The following ADGB variants were observed in gnomAD, a reference collection of about 807,000 sequenced individuals.
ADGB encodes the protein calpain-7-like protein.
Under a neutral mutation model 210.5 loss-of-function variants are expected in ADGB, and 172 were observed. The ratio of observed to expected loss-of-function variants is 0.82; its 90% confidence interval spans 0.72 to 0.93. The LOEUF (loss-of-function observed/expected upper bound fraction) is 0.93, where lower values mean the gene tolerates loss of function less well. Ranked by LOEUF, ADGB falls within the 40% of genes least tolerant of loss-of-function variation. The pLI is 0.00. For missense variants in ADGB, 2,025 were observed against 1,964.8 expected, an observed-to-expected ratio of 1.03 and a Z score of -0.58; for synonymous variants, 658 against 662.7, an observed-to-expected ratio of 0.99 and a Z score of 0.11.
intron 35 of ADGB, among the ~76,000 whole-genome samples, chr6:146,811,721 G>A (rs889260512): frequency 1.3e-5 from 2 of 152,050 alleles, no homozygotes; most frequent in African/African-American, 4.8e-5. Flanking sequence ...TCCCAGGCTG[G>A]AGTGCAATGG....
At chr6:146,650,487 A>C (rs565946507) in intron 3 of ADGB, among the ~76,000 whole-genome samples, 1 of 151,224 alleles carries the variant, frequency 6.6e-6, no homozygotes, top group South Asian at 2.1e-4. Flanking sequence ...ACAAGCCACA[A>C]TATGTAACCA....
chr6:146,634,882 T>A (rs1277264982), intron 1 of ADGB, among the ~76,000 whole-genome samples: 1 of 151,980 alleles, frequency 6.6e-6, no homozygotes, highest in Non-Finnish European at 1.5e-5. Context: ...TACAAGACGA[T>A]CTTATACAAT....
chr6:146,664,531 C>A (rs542901319), intron 6 of ADGB, 191 bp downstream of exon 6: 1 of 483,822 alleles, frequency 2.1e-6, no homozygotes, highest in African/African-American at 2.0e-5. Context: ...AACAATAATG[C>A]AAAATTCCTC....
chr6:146,692,892 T>C lies in ADGB; in HGVS notation c.1554T>C (p.Thr518=). The part of the protein sequence containing the change: ...ISSPFLNYRM[T]PFTIPTEMHF... ...GTCCATTTTTGAATTATAGAATGACTCCATTTACAATTCCAACAGAAATGT... is the reference window on the plus strand; with the variant it reads ...GTCCATTTTTGAATTATAGAATGACCCCATTTACAATTCCAACAGAAATGT... Residue 518 remains threonine (T), a synonymous_variant, in exon 12 of 36, where the codon ACT becomes ACC. Transcript: ENST00000397944. 6.5e-7 allele frequency: 1 copy of C among 1,529,622 alleles called. No homozygotes were observed. Among genetic ancestry groups the C allele is most frequent in the Non-Finnish European group, 8.8e-7 (1 of 1,130,364 alleles). The allele number at this position is 1,529,622 out of a possible 1,614,324, so 94.8% of individuals were successfully genotyped here. A position where few individuals can be genotyped will look rare whatever the true frequency, so the allele number is the denominator to read the frequency against.
Position 146,788,501 on chromosome 6 carries a change from A to G in ADGB, c.4428A>G (p.Gln1476=), listed in dbSNP as rs757532228. The change falls in exon 33 of 36, where the codon CAA becomes CAG. Residue 1476 remains glutamine, a synonymous_variant. Transcript: ENST00000397944. The part of the protein sequence containing the change: ...GSGSAVWKKW[Q]LTKGLRDVAK... ...GGAGTGCGGTGTGGAAGAAGTGGCA[A>G]TTGACCAAAGGCTTGAGGGATGTGG... is the stretch of plus-strand genomic sequence containing the variant. 4.5e-6 allele frequency: 7 copies of G among 1,551,628 alleles called. No individual in the cohort carries two copies.
At chr6:146,799,495 C>T (rs1263775175) in intron 33 of ADGB, among the ~76,000 whole-genome samples, 9 of 141,440 alleles carry the variant, frequency 6.4e-5, no homozygotes, top group Non-Finnish European at 3.0e-5. Flanking sequence ...GATCGCGCCA[C>T]TGCACTCCAG....
chr6:146,691,422 A>AATT (rs1776307651), intron 11 of ADGB, 132 bp downstream of exon 11: 1 of 56,328 alleles, frequency 1.8e-5, no homozygotes, highest in Admixed American at 2.6e-4. Flanking sequence ...ATATATATAT[A>AATT]TATATATATA....
At chr6:146,735,668 T>G (rs575892866) in intron 22 of ADGB, among the ~76,000 whole-genome samples, 36 of 152,296 alleles carry the variant, frequency 2.4e-4, no homozygotes, top group African/African-American at 6.0e-4. Context: ...TTGTAAAAAT[T>G]TACATATAAT....
rs77211317 is a variant in ADGB at position 146,640,258 on chromosome 6, T to A, written c.238-4515T>A. 1.8e-3 allele frequency among the ~76,000 whole-genome samples: 266 copies of A among 150,984 alleles called. 1 individual carries two copies. Among genetic ancestry groups the A allele is most frequent in the African/African-American group, 6.0e-3 (250 of 41,434 alleles). On this transcript the variant is annotated intron_variant, in intron 2 of 35. Transcript: ENST00000397944. ...ACCAATAACAAGCTCTGAAATGGAATCAGTAATAAAGGGCCTACCAACCAA... is the reference window on the plus strand; with the variant it reads ...ACCAATAACAAGCTCTGAAATGGAAACAGTAATAAAGGGCCTACCAACCAA...
chr6:146,600,052 A>T (rs574721277), intron 1 of ADGB, among the ~76,000 whole-genome samples: 68 of 152,094 alleles, frequency 4.5e-4, no homozygotes, highest in African/African-American at 1.6e-3. Context: ...GATCCCTAGG[A>T]TTTAAACTCT....
At chr6:146,696,349 TAC>T (rs1776403072) in intron 12 of ADGB, among the ~76,000 whole-genome samples, 1 of 149,448 alleles carries the variant, frequency 6.7e-6, no homozygotes, top group Non-Finnish European at 1.5e-5. Context: ...GTGCTGGGAT[TAC>T]AGGTGTGAGC....
intron 16 of ADGB, among the ~76,000 whole-genome samples, chr6:146,718,064 A>T (rs985322356): frequency 2.0e-5 from 3 of 151,980 alleles, no homozygotes; most frequent in African/African-American, 7.3e-5. Flanking sequence ...ATGCCTAGAA[A>T]TCCTTCAGAA....
At chr6:146,600,930 A>G (rs1351430753) in intron 1 of ADGB, among the ~76,000 whole-genome samples, 289 of 5,866 alleles carry the variant, frequency 0.049, 4 homozygotes, top group Middle Eastern at 0.2. Context: ...CCATGCGCAC[A>G]CACACACACA....
At chr6:146,614,240 CCTTCCTT>C (rs1215351316) in intron 1 of ADGB, among the ~76,000 whole-genome samples, 1 of 100,124 alleles carries the variant, frequency 1.0e-5, no homozygotes, top group African/African-American at 3.3e-5. Context: ...TTCCTTCCTT[CCTTCCTT>C]CAACAGTTTT....
In ADGB at chr6:146,752,558, C is replaced by A. The variant is rs866512928; in HGVS notation, c.3394C>A (p.Pro1132Thr). Residue 1132 changes from proline to threonine, a missense_variant, in exon 27 of 36, where the codon CCT becomes ACT. Coordinates refer to ENST00000397944, the MANE Select transcript of ADGB (RefSeq NM_024694.4). ...RYSVKVLTPQPATIQVRTSKP... is the reference protein window; with the variant it reads ...RYSVKVLTPQTATIQVRTSKP... Reference sequence around the variant, plus strand: ...TTCGGTTAAAGTTCTAACACCACAACCTGCTACAATACAGGTACGCACATC... The same window carrying A: ...TTCGGTTAAAGTTCTAACACCACAAACTGCTACAATACAGGTACGCACATC... 1.0e-5 allele frequency: 16 copies of A among 1,548,098 alleles called. 2 individuals carry two copies. In the Middle Eastern group the frequency reaches 1.8e-3, roughly 179 times the overall value.
At chr6:146,768,938 C>T in intron 28 of ADGB, 82 bp from the exon 29 acceptor site, 1 of 664,902 alleles carries the variant, frequency 1.5e-6, no homozygotes, top group Non-Finnish European at 2.4e-6. Flanking sequence ...CTGCATTTAT[C>T]ATGTACCTAG....
At chr6:146,764,347 A>C (rs1033786858) in intron 28 of ADGB, among the ~76,000 whole-genome samples, 9 of 152,170 alleles carry the variant, frequency 5.9e-5, no homozygotes, top group Non-Finnish European at 1.3e-4. Context: ...GAACTCTATA[A>C]TGTACCTGTA....
intron 12 of ADGB, among the ~76,000 whole-genome samples, chr6:146,700,637 A>C (rs1233984427): frequency 1.3e-5 from 2 of 152,162 alleles, no homozygotes; most frequent in African/African-American, 4.8e-5. Flanking sequence ...AATTAAATCA[A>C]TTCCACATAT....
chr6:146,730,055 C>A (rs1400282814), intron 20 of ADGB, among the ~76,000 whole-genome samples: 1 of 152,126 alleles, frequency 6.6e-6, no homozygotes, highest in Non-Finnish European at 1.5e-5. Context: ...CAGTTAAATT[C>A]TATTTTGCGT....
Sources: allele counts gnomAD v4.1 joint callset (sites outside exome capture counted in the v4.1 genomes callset), GRCh38; gene constraint gnomAD v4.1.1; transcripts MANE v1.5; gene names NCBI Gene and HGNC (gene_info 2026-07-23, HGNC 2026-07-21).